The following CBFA2T3 variants were observed in gnomAD, a reference collection of about 807,000 sequenced individuals.
The protein encoded by CBFA2T3 is CBFA2/RUNX1 partner transcriptional co-repressor 3.
A neutral mutation model predicts 58.6 loss-of-function variants in CBFA2T3; 31 were observed. The observed-to-expected ratio is 0.53, with a 90% confidence interval of 0.40 to 0.71. The LOEUF is 0.71. Among genes scored for constraint, CBFA2T3 ranks in the 30% least tolerant of loss-of-function variants. The pLI is 0.00. For synonymous variants in CBFA2T3, 531 were observed against 421.9 expected, an observed-to-expected ratio of 1.26 and a Z score of -3.17; for missense variants, 1,076 against 963.1, an observed-to-expected ratio of 1.12 and a Z score of -1.55.
chr16:88,949,329 A>G (rs1971985632), intron 1 of CBFA2T3, among the ~76,000 whole-genome samples: 1 of 151,868 alleles, frequency 6.6e-6, no homozygotes, highest in Non-Finnish European at 1.5e-5. Flanking sequence ...GAGGCCGAGG[A>G]GGGCAGATCA....
chr16:88,974,381 GCCCAGGGAAGGGGTCCCGGCC>G (rs1292634891), intron 1 of CBFA2T3, among the ~76,000 whole-genome samples: 3 of 152,030 alleles, frequency 2.0e-5, no homozygotes, highest in African/African-American at 7.3e-5. Context: ...TGGTGAAGGA[GCCCAGGGAAGGGGTCCCGGCC>G]CCCAGACGGC....
chr16:88,926,787 T>C (rs1488332514), intron 1 of CBFA2T3, among the ~76,000 whole-genome samples: 1 of 152,204 alleles, frequency 6.6e-6, no homozygotes, highest in African/African-American at 2.4e-5. Context: ...TCCTCTGGAT[T>C]GGGCTGGTGC....
chr16:88,936,517 C>T (rs1331968010), intron 1 of CBFA2T3, among the ~76,000 whole-genome samples: 7 of 151,976 alleles, frequency 4.6e-5, no homozygotes, highest in Non-Finnish European at 1.0e-4. Flanking sequence ...GCCGAGTATC[C>T]ACCACGACCT....
At chr16:88,976,048 G>A (rs752158999) in intron 1 of CBFA2T3, among the ~76,000 whole-genome samples, 5 of 152,194 alleles carry the variant, frequency 3.3e-5, no homozygotes, top group Admixed American at 6.5e-5. Flanking sequence ...AGGCTCGGGT[G>A]GGGGGTATCA....
At chr16:88,913,194 C>T (rs1270313992) in intron 1 of CBFA2T3, among the ~76,000 whole-genome samples, 1 of 152,226 alleles carries the variant, frequency 6.6e-6, no homozygotes, top group Non-Finnish European at 1.5e-5. Flanking sequence ...CGGCGGGCAG[C>T]CCCACTAGCC....
intron 1 of CBFA2T3, among the ~76,000 whole-genome samples, chr16:88,929,872 G>A (rs1971227242): frequency 1.3e-5 from 2 of 149,202 alleles, no homozygotes; most frequent in African/African-American, 5.1e-5. Flanking sequence ...GCCCACAGCT[G>A]CATCATCCAC....
intron 8 of CBFA2T3, 114 bp downstream of exon 8, chr16:88,882,562 G>T: frequency 1.5e-6 from 1 of 674,516 alleles, no homozygotes; most frequent in Non-Finnish European, 2.6e-6. Context: ...GGCTGTGTGT[G>T]GGCATGGCTG....
At chr16:88,891,281 C>T (rs751853283) in intron 5 of CBFA2T3, among the ~76,000 whole-genome samples, 6 of 152,198 alleles carry the variant, frequency 3.9e-5, no homozygotes, top group South Asian at 4.1e-4. Flanking sequence ...GGCCTCTGCA[C>T]GTGCAGTTAC....
intron 1 of CBFA2T3, among the ~76,000 whole-genome samples, chr16:88,941,470 G>C (rs1971729261): frequency 6.8e-6 from 1 of 147,954 alleles, no homozygotes. Context: ...CGGGGCGCCG[G>C]CCTGGAGAGG....
intron 1 of CBFA2T3, among the ~76,000 whole-genome samples, chr16:88,903,668 G>T (rs1970189038): frequency 7.5e-6 from 1 of 132,790 alleles, no homozygotes; most frequent in Non-Finnish European, 1.6e-5. Context: ...CTGGGGGGGG[G>T]GGCGTTCCTG....
chr16:88,879,598 CAT>C, intron 10 of CBFA2T3, 138 bp from the exon 11 acceptor site: 1 of 726,670 alleles, frequency 1.4e-6, no homozygotes, highest in Non-Finnish European at 2.3e-6. Context: ...CACAAAGGCA[CAT>C]GTTGATGGGG....
intron 1 of CBFA2T3, among the ~76,000 whole-genome samples, chr16:88,952,981 C>T (rs909258112): frequency 2.6e-5 from 2 of 77,940 alleles, no homozygotes; most frequent in East Asian, 5.6e-4. Context: ...AGGACCCCCA[C>T]GCAGGGCCTG....
rs750986675 is a variant in CBFA2T3, at chr16:88,880,739, C to T, written c.1452G>A (p.Glu484=). The T allele has an allele frequency of 1.9e-6, 3 of 1,574,442 alleles. No individual in the cohort carries two copies. The highest frequency in any genetic ancestry group is 3.6e-5 in the Admixed American group (2 of 55,490). The change falls in exon 10 of 12, where the codon GAG becomes GAA. Residue 484 remains glutamate, a synonymous_variant. Transcript: ENST00000268679. Reference sequence around the variant, plus strand: ...ACTCACCAGCCTTCCTCCAGATGTCCTCAGGCACGTAGCCGGTGAGGGTCC... The same window carrying T: ...ACTCACCAGCCTTCCTCCAGATGTCTTCAGGCACGTAGCCGGTGAGGGTCC... ...LPRTLTGYVP[E]DIWRKAEEAV...
At chr16:88,880,409 C>T (rs980698090) in intron 10 of CBFA2T3, among the ~76,000 whole-genome samples, 4 of 152,236 alleles carry the variant, frequency 2.6e-5, no homozygotes, top group East Asian at 1.9e-4. Context: ...TCTGGCCCCG[C>T]GTGCCTGACG....
At chr16:88,928,364 G>A (rs1302471274) in intron 1 of CBFA2T3, among the ~76,000 whole-genome samples, 1 of 152,214 alleles carries the variant, frequency 6.6e-6, no homozygotes. Flanking sequence ...CGGTCTGTGA[G>A]GGAGTCACAA....
chr16:88,945,608 C>T (rs991032912), intron 1 of CBFA2T3, among the ~76,000 whole-genome samples: 9 of 152,218 alleles, frequency 5.9e-5, no homozygotes, highest in African/African-American at 1.9e-4. Flanking sequence ...TGGGTCAGCA[C>T]AGCCACGAGA....
At chr16:88,882,300 G>A (rs1969118814) in intron 8 of CBFA2T3, among the ~76,000 whole-genome samples, 1 of 152,252 alleles carries the variant, frequency 6.6e-6, no homozygotes, top group Non-Finnish European at 1.5e-5. Context: ...GTGTGGCTGT[G>A]TGGGGACATG....
chr16:88,896,289 C>T (rs974858735), intron 3 of CBFA2T3, among the ~76,000 whole-genome samples: 20 of 152,306 alleles, frequency 1.3e-4, no homozygotes, highest in Admixed American at 3.9e-4. Context: ...CTGTTCTGAG[C>T]GGCTGCTCCC....
chr16:88,882,536 CTGTGTGCATGGGTGTGGCTGTG>C (rs1969151227), intron 8 of CBFA2T3, 118 bp downstream of exon 8: 1 of 643,010 alleles, frequency 1.6e-6, no homozygotes, highest in South Asian at 1.8e-5. Flanking sequence ...GTGGGCATGG[CTGTGTGCATGGGTGTGGCTGTG>C]TGTGGGCATG....
Sources: allele counts gnomAD v4.1 joint callset (sites outside exome capture counted in the v4.1 genomes callset), GRCh38; gene constraint gnomAD v4.1.1; transcripts MANE v1.5; gene names NCBI Gene and HGNC (gene_info 2026-07-23, HGNC 2026-07-21).